Variants in CLPB observed in about 807,000 individuals in gnomAD.
CLPB encodes the protein mitochondrial disaggregase.
CLPB carries 40 observed loss-of-function variants against 78.4 expected under a neutral mutation model. That is an observed-to-expected ratio of 0.51 (90% CI 0.40 to 0.66). The LOEUF (loss-of-function observed/expected upper bound fraction) is 0.66. Ranked by LOEUF, CLPB falls within the 30% of genes least tolerant of loss-of-function variation. CLPB has a pLI of 0.00. For missense variants in CLPB, 780 were observed against 886.9 expected (o/e 0.88, Z 1.53); for synonymous variants, 333 against 348.0 (o/e 0.96, Z 0.48).
At chr11:72,297,453 G>A (rs917646100) in intron 11 of CLPB, among the ~76,000 whole-genome samples, 2 of 152,208 alleles carry the variant, frequency 1.3e-5, no homozygotes, top group Non-Finnish European at 2.9e-5. Context: ...TATACACAAG[G>A]GGCCTGGTAA....
chr11:72,346,715 C>A (rs1950521516), intron 5 of CLPB, among the ~76,000 whole-genome samples: 1 of 151,888 alleles, frequency 6.6e-6, no homozygotes, highest in South Asian at 2.1e-4. Flanking sequence ...TGGTGGCTCA[C>A]ACCTGTAATC....
At chr11:72,326,367 C>T (rs1950134296) in intron 6 of CLPB, among the ~76,000 whole-genome samples, 1 of 152,104 alleles carries the variant, frequency 6.6e-6, no homozygotes, top group South Asian at 2.1e-4. Context: ...ACTATAGCTC[C>T]TTGAGTGTTT....
intron 2 of CLPB, among the ~76,000 whole-genome samples, chr11:72,410,126 A>C (rs1855833721): frequency 6.6e-6 from 1 of 152,200 alleles, no homozygotes; most frequent in Admixed American, 6.5e-5. Flanking sequence ...GCTACTCAGG[A>C]GGCTGAAGCA....
At position 72,294,306 on chromosome 11, in the gene CLPB, A is replaced by T. The variant is rs377041842; in HGVS notation, c.1680+19T>A. 3 of 1,613,778 alleles carry T rather than the reference A, an allele frequency of 1.9e-6. No homozygotes were observed. The highest frequency in any genetic ancestry group is 2.5e-6 in the Non-Finnish European group (3 of 1,179,846). On this transcript the variant is annotated intron_variant, in intron 14 of 15. Transcript: ENST00000538039. Reference sequence around the variant, plus strand: ...GTGGCTGGCTATCCCGCCCCCACCCATGGGCAGTTCCCTCTTACTCTCTTG... The same window carrying T: ...GTGGCTGGCTATCCCGCCCCCACCCTTGGGCAGTTCCCTCTTACTCTCTTG...
At chr11:72,295,366 G>A (rs989725577) in intron 12 of CLPB, 126 bp downstream of exon 12, 1 of 958,072 alleles carries the variant, frequency 1.0e-6, no homozygotes, top group Non-Finnish European at 1.5e-6. Flanking sequence ...TCTGCTCAGT[G>A]TCAGCTAGGG....
intron 6 of CLPB, among the ~76,000 whole-genome samples, chr11:72,321,865 C>T (rs1950049485): frequency 6.6e-6 from 1 of 151,638 alleles, no homozygotes; most frequent in Non-Finnish European, 1.5e-5. Context: ...CAGATGGTGA[C>T]TCATATCACA....
At chr11:72,366,569 A>G (rs1004680437) in intron 4 of CLPB, among the ~76,000 whole-genome samples, 1 of 152,188 alleles carries the variant, frequency 6.6e-6, no homozygotes, top group Non-Finnish European at 1.5e-5. Flanking sequence ...AAAGCAAAAA[A>G]CAAATCCCAT....
At chr11:72,378,007 C>G (rs1854774201) in intron 4 of CLPB, among the ~76,000 whole-genome samples, 1 of 152,190 alleles carries the variant, frequency 6.6e-6, no homozygotes, top group Non-Finnish European at 1.5e-5. Context: ...TACTGATCTA[C>G]AATGTTGAAT....
intron 6 of CLPB, among the ~76,000 whole-genome samples, chr11:72,318,401 G>A (rs567213011): frequency 6.6e-6 from 1 of 152,298 alleles, no homozygotes; most frequent in South Asian, 2.1e-4. Flanking sequence ...GCAAGGAGGG[G>A]TGAGGGCAGG....
At chr11:72,317,066 AG>A in intron 7 of CLPB, 39 bp downstream of exon 7, 1 of 1,450,924 alleles carries the variant, frequency 6.9e-7, no homozygotes, top group Non-Finnish European at 9.4e-7. Context: ...TACCCCTCAA[AG>A]GGCACCACTC....
intron 3 of CLPB, 136 bp from the exon 4 acceptor site, chr11:72,380,520 C>T: frequency 1.5e-6 from 1 of 679,620 alleles, no homozygotes; most frequent in Admixed American, 2.3e-5. Context: ...AAACCATGAA[C>T]TTTGGGAGTG....
At chr11:72,333,027 ACTGTG>A (rs1950255573) in intron 5 of CLPB, 1 of 152,172 alleles carries the variant, frequency 6.6e-6, no homozygotes, top group Admixed American at 6.5e-5. Flanking sequence ...TGTGCCAGGC[ACTGTG>A]CTCGGTACTT....
At chr11:72,425,777 A>T (rs1856358253) in intron 2 of CLPB, among the ~76,000 whole-genome samples, 1 of 152,094 alleles carries the variant, frequency 6.6e-6, no homozygotes, top group South Asian at 2.1e-4. Context: ...TTATGCTACC[A>T]CATATGCTGC....
At position 72,329,794 on chromosome 11, in the gene CLPB, G is replaced by A. The variant is rs1331442621; in HGVS notation, c.786C>T (p.Pro262=). The change falls in exon 6 of 16, where the codon CCC becomes CCT. Residue 262 remains proline, a synonymous_variant. Transcript: ENST00000538039. The part of the protein sequence containing the change: ...VKELLDGGAN[P]LQRNEMGHTP... The stretch of plus-strand genomic sequence containing the variant: ...TGTGTCCCATTTCATTCCTCTGCAG[G>A]GGGTTGGCTCCTGGCAAGAGAAGAA... 2 of 1,613,534 alleles carry A rather than the reference G, an allele frequency of 1.2e-6. No homozygotes were observed. The highest frequency in any genetic ancestry group is 1.1e-5 in the South Asian group (1 of 91,030).
At chr11:72,335,802 G>A (rs1022412457) in intron 5 of CLPB, among the ~76,000 whole-genome samples, 15 of 152,160 alleles carry the variant, frequency 9.9e-5, no homozygotes, top group Non-Finnish European at 1.8e-4. Context: ...TGATTGAACC[G>A]TATTCTCTCC....
At chr11:72,417,620 A>G (rs1010604255) in intron 2 of CLPB, among the ~76,000 whole-genome samples, 1 of 152,232 alleles carries the variant, frequency 6.6e-6, no homozygotes, top group African/African-American at 2.4e-5. Context: ...ACCTCAAAAG[A>G]AAAAAGAATG....
Position 72,293,122 on chromosome 11 carries a change from G to C in CLPB, c.*245C>G. 1 of 467,020 alleles carries C rather than the reference G, an allele frequency of 2.1e-6. No homozygotes were observed. The highest frequency in any genetic ancestry group is 3.4e-5 in the East Asian group (1 of 29,202). 28.9% of individuals were successfully genotyped at this position (467,020 alleles called of 1,614,324 possible). On this transcript the variant is annotated 3_prime_UTR_variant, in exon 16 of 16. Transcript: ENST00000538039. ...CTCCTTGCCTTGAAGGGGGTGGAAA[G>C]GCAGCTCCTCTCCTGAAGGCTTGTT...
intron 2 of CLPB, among the ~76,000 whole-genome samples, chr11:72,416,606 C>T (rs368170802): frequency 4.0e-5 from 6 of 151,632 alleles, no homozygotes; most frequent in East Asian, 1.9e-4. Context: ...CATGGTGGCA[C>T]GTGCCTGTAA....
intron 2 of CLPB, among the ~76,000 whole-genome samples, chr11:72,429,527 G>C (rs917889961): frequency 7.2e-5 from 11 of 152,192 alleles, no homozygotes; most frequent in Non-Finnish European, 1.5e-4. Flanking sequence ...GGCAAGGAAG[G>C]GGGGTGTCCT....
Sources: gnomAD v4.1 joint callset for allele counts (sites outside exome capture counted in the v4.1 genomes callset) on GRCh38, gnomAD v4.1.1 for gene constraint, MANE v1.5 for transcripts, NCBI Gene and HGNC (gene_info 2026-07-23, HGNC 2026-07-21) for gene names.